Variants in KRT33B observed in about 807,000 individuals in gnomAD.
KRT33B encodes keratin 33B, also known as keratin, type I cuticular Ha3-II.
A neutral mutation model predicts 42.7 loss-of-function variants in KRT33B; 37 were observed. That is an observed-to-expected ratio of 0.87 (90% confidence interval 0.67 to 1.14). The LOEUF (loss-of-function observed/expected upper bound fraction) is 1.14. Ranked by LOEUF, KRT33B falls within the 50% of genes most tolerant of loss-of-function variation. The pLI is 0.00. For synonymous variants in KRT33B, 237 were observed against 221.2 expected, an observed-to-expected ratio of 1.07 and a Z score of -0.63; for missense variants, 523 against 515.1, an observed-to-expected ratio of 1.02 and a Z score of -0.15.
chr17:41,368,704 G>C (rs916692444), intron 1 of KRT33B, among the ~76,000 whole-genome samples: 1 of 151,316 alleles, frequency 6.6e-6, no homozygotes, highest in Non-Finnish European at 1.5e-5. Flanking sequence ...CTACAGAACA[G>C]TGGGCAGTCA....
In KRT33B at chr17:41,366,371, G is replaced by A. The variant is rs2017700366; in HGVS notation, c.588+99C>T. 7.2e-6 allele frequency: 10 copies of A among 1,384,578 alleles called. No individual in the cohort carries two copies. In the Admixed American group the frequency reaches 1.4e-4, roughly 19 times the overall value. The allele number at this position is 1,384,578 out of a possible 1,614,324, so 85.8% of individuals were successfully genotyped here. A position where few individuals can be genotyped will look rare whatever the true frequency, so the allele number is the denominator to read the frequency against. On this transcript the variant is annotated intron_variant, in intron 3 of 6. Transcript: ENST00000251646. ...TGTTTTGAGCAACCAGCAAAATGTT[G>A]TTAGGCCTAGGGTGCTTAGCAAATC...
chr17:41,369,314 G>C, intron 1 of KRT33B, 89 bp downstream of exon 1: 45 of 1,506,710 alleles, frequency 3.0e-5, no homozygotes, highest in Non-Finnish European at 4.0e-5. Context: ...CAGCATTACT[G>C]TGAACAGACT....
At position 41,369,678 on chromosome 17, in the gene KRT33B, TG is replaced by T. The variant is rs752320759; in HGVS notation, c.72del (p.Ser25AlafsTer17). 6.2e-7 allele frequency: 1 copy of T among 1,613,904 alleles called. No homozygotes were observed. On this transcript the variant is annotated frameshift_variant, in exon 1 of 7. Transcript: ENST00000251646. LOFTEE classifies it high-confidence loss of function. ...CCGGGCAGGGTGTAGCCGTGGCAGCTGGGGGGCACACAGGGCCGGGAGGAGC... is the reference window on the plus strand; with the variant it reads ...CCGGGCAGGGTGTAGCCGTGGCAGCTGGGGGCACACAGGGCCGGGAGGAGC... Reference protein sequence around the residue: ...TSCSSRPCVPPSCHGYTLPGA... With the variant: ...TSCSSRPCVPXSCHGYTLPGA...
At position 41,368,794 on chromosome 17, in the gene KRT33B, C is replaced by T. The variant is rs193262927; in HGVS notation, c.348+609G>A. ...TTCAAACCCCACTCAGACATTGCCT[C>T]TTCTGGGATCCCTCCCAAACCTACA... On this transcript the variant is annotated intron_variant, in intron 1 of 6. Coordinates refer to ENST00000251646, the MANE Select transcript of KRT33B (RefSeq NM_002279.5). 1.3e-3 allele frequency among the ~76,000 whole-genome samples: 195 copies of T among 151,412 alleles called. 2 individuals are homozygous for T. The highest frequency in any genetic ancestry group is 3.3e-3 in the Admixed American group (50 of 15,280).
At position 41,366,587 on chromosome 17, in the gene KRT33B, G is replaced by A. The variant is rs375262998; in HGVS notation, c.471C>T (p.Ser157=). ...TEQSLRQLVE[S]DINSLRRILD... The stretch of plus-strand genomic sequence containing the variant: ...GAATCCTGCGCAGGCTGTTGATGTC[G>A]GACTCCACCAGCTGCCGCAGGGACT... Residue 157 remains serine, a synonymous_variant, in exon 3 of 7, where the codon TCC becomes TCT. Transcript: ENST00000251646. 5.5e-5 allele frequency: 88 copies of A among 1,612,100 alleles called. No homozygotes were observed. Among genetic ancestry groups the A allele is most frequent in the East Asian group, 8.9e-5 (4 of 44,872 alleles).
At chr17:41,363,999 A>G (rs760556549) in intron 6 of KRT33B, 46 bp from the exon 7 acceptor site, 1 of 1,326,336 alleles carries the variant, frequency 7.5e-7, no homozygotes, top group Non-Finnish European at 1.1e-6. Flanking sequence ...AGGGTGATTC[A>G]AACAAGGGAG....
At chr17:41,364,667 C>T in intron 6 of KRT33B, 112 bp downstream of exon 6, 1 of 1,371,362 alleles carries the variant, frequency 7.3e-7, no homozygotes. Context: ...ATATAAAACT[C>T]TCGCCTCTAC....
chr17:41,368,838 T>C (rs971753642), intron 1 of KRT33B, among the ~76,000 whole-genome samples: 2 of 151,260 alleles, frequency 1.3e-5, no homozygotes, highest in African/African-American at 4.9e-5. Flanking sequence ...TCAGTCCCAA[T>C]TCTCTGTGGA....
intron 1 of KRT33B, among the ~76,000 whole-genome samples, chr17:41,368,571 G>A (rs2017732219): frequency 6.6e-6 from 1 of 151,262 alleles, no homozygotes; most frequent in South Asian, 2.1e-4. Context: ...GAAGGAAGGA[G>A]ACTGTCTTAC....
chr17:41,368,123 A>C, intron 1 of KRT33B, 133 bp from the exon 2 acceptor site: 1 of 802,740 alleles, frequency 1.2e-6, no homozygotes, highest in Non-Finnish European at 2.1e-6. Context: ...CTCTGAGATA[A>C]AAGGAGGATT....
rs61741664 is a variant in KRT33B, at chr17:41,365,500, G to C, written c.642C>G (p.Asp214Glu). The C allele has an allele frequency of 6.2e-7, 1 of 1,612,880 alleles. No homozygotes were observed. The highest frequency in any genetic ancestry group is 8.5e-7 in the Non-Finnish European group (1 of 1,180,000). ...QLGDRLNVEV[D>E]AAPAVDLNQV... ...GGTTCAGGTCCACAGCGGGAGCAGC[G>C]TCCACCTCCACGTTGAGGCGGTCTC... The change falls in exon 4 of 7, where the codon GAC (aspartate) becomes GAG (glutamate). Residue 214 changes from aspartate to glutamate, a missense_variant. Physicochemically the swap from Asp to Glu is conservative, Grantham distance 45. Coordinates refer to ENST00000251646, the MANE Select transcript of KRT33B (RefSeq NM_002279.5).
chr17:41,363,866 G>A lies in KRT33B; in HGVS notation c.1185C>T (p.Arg395=). 1 of 1,611,084 alleles carries A rather than the reference G, an allele frequency of 6.2e-7. No individual in the cohort carries two copies. The highest frequency in any genetic ancestry group is 8.5e-7 in the Non-Finnish European group (1 of 1,179,100). Residue 395 remains arginine (R), a synonymous_variant, in exon 7 of 7, where the codon CGC becomes CGT. Coordinates refer to ENST00000251646, the MANE Select transcript of KRT33B (RefSeq NM_002279.5). ...CVTNPCGPRS[R]CGPCNTFGY ...ACCCAAAGGTGTTGCAAGGCCCACAGCGGGAACGAGGACCACAAGGATTGG... is the reference window on the plus strand; with the variant it reads ...ACCCAAAGGTGTTGCAAGGCCCACAACGGGAACGAGGACCACAAGGATTGG...
chr17:41,365,145 C>A, intron 5 of KRT33B, 30 bp downstream of exon 5: 1 of 1,609,806 alleles, frequency 6.2e-7, no homozygotes, highest in Non-Finnish European at 8.5e-7. Flanking sequence ...AAGTTCCCAT[C>A]GCTCACCAGC....
In KRT33B at chr17:41,369,400, C is replaced by G; in HGVS notation, c.348+3G>C. 3 of 1,612,676 alleles carry G rather than the reference C, an allele frequency of 1.9e-6. No individual in the cohort carries two copies. Among genetic ancestry groups the G allele is most frequent in the Non-Finnish European group, 2.5e-6 (3 of 1,179,514 alleles). ...GCTGGCAGTGTGGTGCCCACCTCCT[C>G]ACCTTCTGCTGGAGCTCCTCAATGG... On this transcript the variant is annotated splice_donor_region_variant and intron_variant, in intron 1 of 6. Coordinates refer to ENST00000251646, the MANE Select transcript of KRT33B (RefSeq NM_002279.5).
chr17:41,366,503 C>T lies in KRT33B; in HGVS notation c.555G>A (p.Glu185=), dbSNP rs2017702832. 1 of 1,612,598 alleles carries T rather than the reference C, an allele frequency of 6.2e-7. No individual in the cohort carries two copies. Among genetic ancestry groups the T allele is most frequent in the Non-Finnish European group, 8.5e-7 (1 of 1,180,026 alleles). ...GGTTCTGCTTGAGGGACAGCAGCTC[C>T]TCCTTCAGGGACTCCATCTGGGCCT... ...DLEAQMESLK[E]ELLSLKQNHE... Residue 185 remains glutamate, a synonymous_variant, in exon 3 of 7, where the codon GAG becomes GAA. Transcript: ENST00000251646.
chr17:41,363,741 G>T lies in KRT33B; in HGVS notation c.*95C>A. 2.5e-6 allele frequency: 2 copies of T among 790,890 alleles called. No individual in the cohort carries two copies. The highest frequency in any genetic ancestry group is 2.5e-5 in the East Asian group (1 of 39,920). 49.0% of individuals were successfully genotyped at this position (790,890 alleles called of 1,614,324 possible). A position where few individuals can be genotyped will look rare whatever the true frequency, so the allele number is the denominator to read the frequency against. On this transcript the variant is annotated 3_prime_UTR_variant, in exon 7 of 7. Transcript: ENST00000251646. ...CCATGATTTGTGGTGATGCCTCGGG[G>T]TGGGGTCCGGTGGCTGATGGTTGTC...
chr17:41,364,693 T>C (rs1301967819), intron 6 of KRT33B, 86 bp downstream of exon 6: 5 of 1,557,568 alleles, frequency 3.2e-6, no homozygotes, highest in Non-Finnish European at 4.4e-6. Context: ...GATTGGCATC[T>C]GAAACTTGAT....
In KRT33B at chr17:41,366,593, C is replaced by T. The variant is rs777163195; in HGVS notation, c.465G>A (p.Val155=). The T allele has an allele frequency of 1.9e-6, 3 of 1,612,026 alleles. No homozygotes were observed. Among genetic ancestry groups the T allele is most frequent in the East Asian group, 2.2e-5 (1 of 44,876 alleles). ...TGCGCAGGCTGTTGATGTCGGACTC[C>T]ACCAGCTGCCGCAGGGACTGCTCCG... ...YQTEQSLRQL[V]ESDINSLRRI... is the part of the protein sequence containing the mutation. The change falls in exon 3 of 7, where the codon GTG becomes GTA. Residue 155 remains valine (V), a synonymous_variant. Coordinates refer to ENST00000251646, the MANE Select transcript of KRT33B (RefSeq NM_002279.5).
intron 1 of KRT33B, among the ~76,000 whole-genome samples, chr17:41,368,963 C>T (rs1942938014): frequency 6.6e-6 from 1 of 151,434 alleles, no homozygotes; most frequent in Non-Finnish European, 1.5e-5. Flanking sequence ...GAGTCAACAG[C>T]TCTCTTGTGT....
Sources: allele counts gnomAD v4.1 joint callset (sites outside exome capture counted in the v4.1 genomes callset), GRCh38; gene constraint gnomAD v4.1.1; transcripts MANE v1.5; gene names NCBI Gene and HGNC (gene_info 2026-07-23, HGNC 2026-07-21).